The following VPS13D variants were observed in gnomAD, a reference collection of about 807,000 sequenced individuals.
VPS13D encodes vacuolar protein sorting 13 homolog D.
A neutral mutation model predicts 461.9 loss-of-function variants in VPS13D; 187 were observed. That is an observed-to-expected ratio of 0.40 (90% CI 0.36 to 0.46). The LOEUF (loss-of-function observed/expected upper bound fraction) is 0.46. Ranked by LOEUF, VPS13D falls within the 20% of genes least tolerant of loss-of-function variation. The pLI, the probability that VPS13D is intolerant of heterozygous loss-of-function variation, is 0.60. For synonymous variants in VPS13D, 1,951 were observed against 1,986.3 expected, an observed-to-expected ratio of 0.98 and a Z score of 0.47; for missense variants, 4,711 against 5,364.9, an observed-to-expected ratio of 0.88 and a Z score of 3.81.
At chr1:12,326,669 G>A (rs1643198669) in intron 35 of VPS13D, among the ~76,000 whole-genome samples, 2 of 150,994 alleles carry the variant, frequency 1.3e-5, no homozygotes, top group Admixed American at 1.3e-4. Flanking sequence ...TTGAGGCAGA[G>A]TTTTGCTCTT....
chr1:12,273,761 A>G (rs956343799), intron 18 of VPS13D, among the ~76,000 whole-genome samples: 4 of 152,082 alleles, frequency 2.6e-5, no homozygotes, highest in Non-Finnish European at 4.4e-5. Context: ...ATAATAGTCC[A>G]TCGTGTGGCT....
chr1:12,301,469 A>G (rs1381105903), intron 25 of VPS13D, among the ~76,000 whole-genome samples: 2 of 152,236 alleles, frequency 1.3e-5, no homozygotes, highest in Non-Finnish European at 2.9e-5. Flanking sequence ...AATAAAGGAT[A>G]CAGCCAGATG....
At chr1:12,381,505 A>T (rs1365408091) in intron 57 of VPS13D, among the ~76,000 whole-genome samples, 1 of 152,256 alleles carries the variant, frequency 6.6e-6, no homozygotes, top group Non-Finnish European at 1.5e-5. Context: ...TGGCCTGAGA[A>T]GGACTCCGTA....
chr1:12,340,154 T>C (rs1182255277), intron 40 of VPS13D, among the ~76,000 whole-genome samples: 2 of 152,250 alleles, frequency 1.3e-5, no homozygotes, highest in African/African-American at 2.4e-5. Flanking sequence ...GCCTTACAGC[T>C]ACTCCTTAAT....
Position 12,299,235 on chromosome 1 carries a change from C to T in VPS13D, c.6067C>T (p.Leu2023Phe), listed in dbSNP as rs756242407. ...TCAAGCCCAGCGCTGTTCACGGGTT[C>T]TCCTGGATATTGAGGCTGGTGCTCC... ...RDQAQRCSRV[L>F]LDIEAGAPVL... The change falls in exon 25 of 70, where the codon CTC becomes TTC. Residue 2023 changes from leucine to phenylalanine, a missense_variant. Leu to Phe is a conservative substitution (Grantham distance 22). Transcript: ENST00000620676. This position sits in a 1 kb window ranked among gnomAD's most constrained non-coding sequence, Gnocchi z 4.2. 6.2e-7 allele frequency: 1 copy of T among 1,613,256 alleles called. No individual in the cohort carries two copies. Among genetic ancestry groups the T allele is most frequent in the Non-Finnish European group, 8.5e-7 (1 of 1,179,890 alleles).
intron 2 of VPS13D, among the ~76,000 whole-genome samples, chr1:12,236,012 C>T (rs566921307): frequency 4.6e-5 from 7 of 152,280 alleles, no homozygotes; most frequent in African/African-American, 1.4e-4. Context: ...GTTACAGAGT[C>T]GTACTAACAT....
intron 31 of VPS13D, 31 bp from the exon 32 acceptor site, chr1:12,319,466 C>T: frequency 6.2e-7 from 1 of 1,613,142 alleles, no homozygotes. Context: ...CTTCCCAGCT[C>T]TGGCTTGATT....
intron 13 of VPS13D, among the ~76,000 whole-genome samples, chr1:12,265,117 T>C (rs1268572732): frequency 6.6e-6 from 1 of 152,120 alleles, no homozygotes; most frequent in Non-Finnish European, 1.5e-5. Context: ...TGAGACCTAC[T>C]GCTCAGAAAA....
At chr1:12,424,852 T>C (rs1644904369) in intron 65 of VPS13D, among the ~76,000 whole-genome samples, 1 of 152,232 alleles carries the variant, frequency 6.6e-6, no homozygotes. Flanking sequence ...GGAGCCTGTG[T>C]GGTAGAAAAG....
In VPS13D at chr1:12,507,855, A is replaced by G. The variant is rs558755906; in HGVS notation, c.13035+762A>G. 3.9e-5 allele frequency among the ~76,000 whole-genome samples: 6 copies of G among 152,348 alleles called. No homozygotes were observed. In the East Asian group the frequency reaches 1.2e-3, roughly 29 times the overall value. On this transcript the variant is annotated intron_variant, in intron 69 of 69. Transcript: ENST00000620676. This position sits in a 1 kb window ranked among gnomAD's most constrained non-coding sequence, Gnocchi z 5.3. ...GGCCAGTCGGCCCTGGAGGCTTGCCATGACACCCAGGTGTTAGTCCTGCTC... is the reference window on the plus strand; with the variant it reads ...GGCCAGTCGGCCCTGGAGGCTTGCCGTGACACCCAGGTGTTAGTCCTGCTC...
chr1:12,358,400 C>T lies in VPS13D; in HGVS notation c.9999-59C>T, dbSNP rs946538764. ...CTGTATTAGTGTTTCCCAATTAGAA[C>T]AGGCAGATAAGACTTTCTTGTGGAT... On this transcript the variant is annotated intron_variant, in intron 49 of 69. Transcript: ENST00000620676. The T allele has an allele frequency of 2.1e-5, 34 of 1,595,662 alleles. No individual in the cohort carries two copies. The Admixed American group carries it at 5.8e-4, about 27-fold the overall frequency.
rs780017916 is a variant in VPS13D at position 12,400,224 on chromosome 1, A to G, written c.11678A>G (p.Tyr3893Cys). 21 of 1,614,000 alleles carry G rather than the reference A, an allele frequency of 1.3e-5. No homozygotes were observed. The highest frequency in any genetic ancestry group is 1.6e-5 in the Non-Finnish European group (19 of 1,180,038). The change falls in exon 61 of 70, where the codon TAT becomes TGT. Residue 3893 changes from tyrosine (Y) to cysteine (C), a missense_variant. Transcript: ENST00000620676. ...GGTACCACGCAGCCCTTCATGCTCTATGTGACTCCCCTGAGCAATGAGAAT... is the reference window on the plus strand; with the variant it reads ...GGTACCACGCAGCCCTTCATGCTCTGTGTGACTCCCCTGAGCAATGAGAAT... ...LIGTTQPFML[Y>C]VTPLSNENEV...
intron 2 of VPS13D, among the ~76,000 whole-genome samples, chr1:12,239,322 A>G (rs1311968337): frequency 1.3e-5 from 2 of 152,026 alleles, no homozygotes; most frequent in Non-Finnish European, 2.9e-5. Flanking sequence ...TATTTTTTGT[A>G]GAGATGGGGT....
chr1:12,445,712 T>A (rs1381981265), intron 65 of VPS13D, among the ~76,000 whole-genome samples: 1 of 152,222 alleles, frequency 6.6e-6, no homozygotes, highest in Non-Finnish European at 1.5e-5. Context: ...TGGGAACATT[T>A]GAGTTCATTT....
intron 65 of VPS13D, among the ~76,000 whole-genome samples, chr1:12,434,933 G>T (rs990102830): frequency 6.6e-6 from 1 of 152,118 alleles, no homozygotes; most frequent in African/African-American, 2.4e-5. Context: ...TATTTCCTTG[G>T]CATTTGTCTC....
chr1:12,472,758 C>T (rs2100455173), intron 67 of VPS13D, among the ~76,000 whole-genome samples: 1 of 152,262 alleles, frequency 6.6e-6, no homozygotes, highest in Admixed American at 6.5e-5. Context: ...TGTTCTTTCC[C>T]CTTTACCCCC....
At chr1:12,378,308 C>A (rs1307218985) in intron 55 of VPS13D, 120 bp from the exon 56 acceptor site, 2 of 870,538 alleles carry the variant, frequency 2.3e-6, no homozygotes, top group Non-Finnish European at 1.6e-6. Context: ...ATGTGGAAAA[C>A]GTCTAAATAA....
chr1:12,315,119 C>G (rs541811986), intron 30 of VPS13D, among the ~76,000 whole-genome samples: 6 of 152,152 alleles, frequency 3.9e-5, no homozygotes, highest in African/African-American at 1.4e-4. Flanking sequence ...AAAATTAGGC[C>G]TGGTCTAAAG....
chr1:12,421,308 A>T (rs1481175583), intron 65 of VPS13D, among the ~76,000 whole-genome samples: 1 of 152,252 alleles, frequency 6.6e-6, no homozygotes, highest in African/African-American at 2.4e-5. Flanking sequence ...TGGCAAGGCA[A>T]TCGCTTCTGG....
Sources: allele counts gnomAD v4.1 joint callset (sites outside exome capture counted in the v4.1 genomes callset), GRCh38; gene constraint gnomAD v4.1.1; non-coding constraint Gnocchi (gnomAD v3.1); transcripts MANE v1.5; gene names NCBI Gene and HGNC (gene_info 2026-07-23, HGNC 2026-07-21).